Variants in RAB19 observed in about 807,000 individuals in gnomAD.
The protein encoded by RAB19 is ras-related protein Rab-19.
RAB19 carries 21 observed loss-of-function variants against 17.3 expected under a neutral mutation model. The ratio of observed to expected loss-of-function variants is 1.21; its 90% CI spans 0.86 to 1.74. The LOEUF (loss-of-function observed/expected upper bound fraction) is 1.74. Ranked by LOEUF, RAB19 falls within the 40% of genes most tolerant of loss-of-function variation. The pLI, the probability that RAB19 is intolerant of heterozygous loss-of-function variation, is 0.00. For missense variants in RAB19, 277 were observed against 286.8 expected (o/e 0.97, Z 0.25); for synonymous variants, 126 against 110.4 (o/e 1.14, Z -0.88).
At chr7:140,418,018 G>A (rs571582647) in intron 3 of RAB19, among the ~76,000 whole-genome samples, 35 of 152,104 alleles carry the variant, frequency 2.3e-4, no homozygotes, top group Non-Finnish European at 3.2e-4. Flanking sequence ...ATGGGCCCCC[G>A]TTCCTAGCCT....
intron 1 of RAB19, 28 bp from the exon 2 acceptor site, chr7:140,407,596 G>C (rs749431860): frequency 6.4e-7 from 1 of 1,563,826 alleles, no homozygotes; most frequent in South Asian, 1.1e-5. Flanking sequence ...CCCAGTTCCT[G>C]GTGCTGAATT....
Position 140,426,909 on chromosome 7 carries a change from TTGGCTCACTGCAACCTCTACCTCC to T in RAB19, c.*763_*786del. Among the ~76,000 whole-genome samples, 1 of 150,590 alleles carries T rather than the reference TTGGCTCACTGCAACCTCTACCTCC, an allele frequency of 6.6e-6. No individual in the cohort carries two copies. The highest frequency in any genetic ancestry group is 2.5e-5 in the African/African-American group (1 of 40,748). On this transcript the variant is annotated 3_prime_UTR_variant, in exon 4 of 4. Transcript: ENST00000537763. ...CAAGCTGGAGTATAGTGGTGGGATC[TTGGCTCACTGCAACCTCTACCTCC>T]TGGGTTCAAGAGGTTCTCCCACCTC...
chr7:140,421,165 A>G (rs570752471), intron 3 of RAB19, among the ~76,000 whole-genome samples: 1 of 152,006 alleles, frequency 6.6e-6, no homozygotes, highest in Non-Finnish European at 1.5e-5. Flanking sequence ...TGCTGGGGTT[A>G]CAGGCATGAG....
chr7:140,418,695 C>T (rs1799506379), intron 3 of RAB19, among the ~76,000 whole-genome samples: 1 of 151,416 alleles, frequency 6.6e-6, no homozygotes, highest in South Asian at 2.1e-4. Context: ...CCGATCTCTA[C>T]AAAAAAATTA....
intron 2 of RAB19, among the ~76,000 whole-genome samples, chr7:140,410,804 T>C (rs1799345503): frequency 6.6e-6 from 1 of 152,170 alleles, no homozygotes. Context: ...GCAAACTTTC[T>C]CTAAAAAATA....
At chr7:140,415,006 GT>G (rs1799429770) in intron 3 of RAB19, among the ~76,000 whole-genome samples, 1 of 151,942 alleles carries the variant, frequency 6.6e-6, no homozygotes, top group Non-Finnish European at 1.5e-5. Context: ...TCTTCTGGGG[GT>G]GTCTGGCTTC....
intron 2 of RAB19, 146 bp from the exon 3 acceptor site, chr7:140,411,728 A>G (rs1036455933): frequency 1.3e-6 from 2 of 1,511,416 alleles, no homozygotes; most frequent in Admixed American, 4.5e-5. Flanking sequence ...GAAAGAATAG[A>G]TCCCTGGGTC....
At chr7:140,412,265 C>T (rs924793270) in intron 3 of RAB19, among the ~76,000 whole-genome samples, 2 of 151,984 alleles carry the variant, frequency 1.3e-5, no homozygotes, top group South Asian at 2.1e-4. Flanking sequence ...TCCTGGCTGA[C>T]ACGGTGAAAC....
rs1201803206 is a variant in RAB19 at position 140,411,324 on chromosome 7, T to C, written c.202-550T>C. On this transcript the variant is annotated intron_variant, in intron 2 of 3. Coordinates refer to ENST00000537763, the MANE Select transcript of RAB19 (RefSeq NM_001008749.3). The stretch of plus-strand genomic sequence containing the variant: ...CTGAGGCAGGAGAATGGTGTGAACC[T>C]GGGAGGCGGAGCTTGCAGTAAGCTG... Among the ~76,000 whole-genome samples the C allele has an allele frequency of 2.0e-5, 3 of 152,096 alleles. No homozygotes were observed. The East Asian group carries it at 5.8e-4, about 29-fold the overall frequency.
chr7:140,412,616 C>T (rs1224259292), intron 3 of RAB19, among the ~76,000 whole-genome samples: 1 of 151,364 alleles, frequency 6.6e-6, no homozygotes, highest in African/African-American at 2.4e-5. Context: ...GATCCCCCTG[C>T]CTGGCCCTCC....
rs1246974983 is a variant in RAB19, at chr7:140,426,172, AC to A, written c.*25del. On this transcript the variant is annotated 3_prime_UTR_variant, in exon 4 of 4. Transcript: ENST00000537763. ...CTAAGATGTTTGCAAAGCCAGTTGC[AC>A]CCACCAAAGAGGCCGCCTCTGAAAC... The A allele has an allele frequency of 6.2e-7, 1 of 1,603,308 alleles. No homozygotes were observed. Among genetic ancestry groups the A allele is most frequent in the African/African-American group, 1.3e-5 (1 of 74,554 alleles).
chr7:140,414,631 T>G (rs1799422981), intron 3 of RAB19, among the ~76,000 whole-genome samples: 1 of 152,200 alleles, frequency 6.6e-6, no homozygotes. Context: ...AAGGTGTCCA[T>G]GCCAGAGGGC....
At chr7:140,410,233 A>C (rs1799329129) in intron 2 of RAB19, among the ~76,000 whole-genome samples, 1 of 150,854 alleles carries the variant, frequency 6.6e-6, no homozygotes, top group African/African-American at 2.4e-5. Flanking sequence ...CCTGTGCTCA[A>C]GGAATCCTCC....
chr7:140,425,669 A>G (rs1799652332), intron 3 of RAB19, among the ~76,000 whole-genome samples: 1 of 151,798 alleles, frequency 6.6e-6, no homozygotes, highest in Non-Finnish European at 1.5e-5. Flanking sequence ...GGTTGCAATG[A>G]GCCAAGATTG....
At chr7:140,412,912 C>T (rs924168350) in intron 3 of RAB19, among the ~76,000 whole-genome samples, 1 of 150,714 alleles carries the variant, frequency 6.6e-6, no homozygotes, top group African/African-American at 2.4e-5. Flanking sequence ...ATTGCTTGAG[C>T]CCAGGGTTTC....
chr7:140,417,748 C>T (rs1402748953), intron 3 of RAB19, among the ~76,000 whole-genome samples: 3 of 152,200 alleles, frequency 2.0e-5, no homozygotes, highest in South Asian at 2.1e-4. Context: ...AGGGCCGTGC[C>T]CCTCTGGACG....
At position 140,412,556 on chromosome 7, in the gene RAB19, C is replaced by T. The variant is rs535406241; in HGVS notation, c.385+499C>T. ...TTTTTTTTTTAATTTTTTGTAAAGACGGGGTTTTGCCATGTTGCCCAGGCT... is the reference window on the plus strand; with the variant it reads ...TTTTTTTTTTAATTTTTTGTAAAGATGGGGTTTTGCCATGTTGCCCAGGCT... On this transcript the variant is annotated intron_variant, in intron 3 of 3. Coordinates refer to ENST00000537763, the MANE Select transcript of RAB19 (RefSeq NM_001008749.3). Among the ~76,000 whole-genome samples, 11 of 150,442 alleles carry T rather than the reference C, an allele frequency of 7.3e-5. No individual in the cohort carries two copies. The South Asian group carries it at 1.1e-3, about 14-fold the overall frequency.
rs35732010 is a variant in RAB19 at position 140,408,620 on chromosome 7, T to G, written c.201+773T>G. ...CATTCCAAGTAGCTGGATTTACAGG[T>G]GCACACCACCACACCGGGCTAAGTT... On this transcript the variant is annotated intron_variant, in intron 2 of 3. Coordinates refer to ENST00000537763, the MANE Select transcript of RAB19 (RefSeq NM_001008749.3). 9.4e-3 allele frequency among the ~76,000 whole-genome samples: 1,431 copies of G among 151,786 alleles called. 7 individuals carry two copies. Among genetic ancestry groups the G allele is most frequent in the Non-Finnish European group, 0.014 (937 of 67,878 alleles).
At chr7:140,421,385 G>C (rs981795723) in intron 3 of RAB19, among the ~76,000 whole-genome samples, 1 of 151,948 alleles carries the variant, frequency 6.6e-6, no homozygotes, top group East Asian at 1.9e-4. Flanking sequence ...TTTTGAGACA[G>C]AGTCTTGATC....
Sources: allele counts gnomAD v4.1 joint callset (sites outside exome capture counted in the v4.1 genomes callset), GRCh38; gene constraint gnomAD v4.1.1; transcripts MANE v1.5; gene names NCBI Gene and HGNC (gene_info 2026-07-23, HGNC 2026-07-21).